Variants in GMDS observed in about 807,000 individuals in gnomAD.
GMDS encodes the protein GDP-mannose 4,6-dehydratase, also known as GDP-mannose 4,6 dehydratase.
Under a neutral mutation model 49.9 loss-of-function variants are expected in GMDS, and 20 were observed. The observed-to-expected ratio is 0.40, with a 90% CI of 0.28 to 0.58. The LOEUF (loss-of-function observed/expected upper bound fraction) is 0.58, where lower values mean the gene tolerates loss of function less well. Among genes scored for constraint, GMDS ranks in the 20% least tolerant of loss-of-function variants. GMDS has a pLI of 0.42. For synonymous variants in GMDS, 177 were observed against 178.6 expected (o/e 0.99, Z 0.07); for missense variants, 362 against 481.4 (o/e 0.75, Z 2.32).
At chr6:1,899,703 C>A (rs1760400654) in intron 7 of GMDS, among the ~76,000 whole-genome samples, 1 of 152,214 alleles carries the variant, frequency 6.6e-6, no homozygotes, top group Non-Finnish European at 1.5e-5. Flanking sequence ...GTAAACATGA[C>A]CTAATCTTTA....
At chr6:2,045,767 G>A (rs1769971676) in intron 4 of GMDS, among the ~76,000 whole-genome samples, 1 of 141,570 alleles carries the variant, frequency 7.1e-6, no homozygotes, top group Non-Finnish European at 1.6e-5. Flanking sequence ...GCTAGCCCCA[G>A]TCAAAAAAAA....
chr6:1,819,097 G>A (rs1770785513), intron 7 of GMDS, among the ~76,000 whole-genome samples: 1 of 151,860 alleles, frequency 6.6e-6, no homozygotes, highest in Admixed American at 6.6e-5. Context: ...CTGACAGACT[G>A]CAATCTAGAA....
chr6:1,760,770 T>A (rs80161193), intron 7 of GMDS, among the ~76,000 whole-genome samples: 3,564 of 152,360 alleles, frequency 0.023, 80 homozygotes, highest in Non-Finnish European at 0.032. Context: ...ATGCTGAATA[T>A]AATTAGATTT....
intron 1 of GMDS, among the ~76,000 whole-genome samples, chr6:2,182,375 G>C (rs916484419): frequency 4.6e-5 from 7 of 152,198 alleles, no homozygotes; most frequent in Non-Finnish European, 8.8e-5. Context: ...ATTAGTGAGG[G>C]TGGTTACACT....
chr6:2,084,463 A>C (rs1412838892), intron 4 of GMDS, among the ~76,000 whole-genome samples: 2 of 152,094 alleles, frequency 1.3e-5, no homozygotes, highest in East Asian at 1.9e-4. Flanking sequence ...ATTACCCTTC[A>C]TTTCACAGCA....
At chr6:1,652,697 AT>A (rs1166985277) in intron 9 of GMDS, among the ~76,000 whole-genome samples, 5 of 4,896 alleles carry the variant, frequency 1.0e-3, no homozygotes, top group African/African-American at 1.7e-3. Flanking sequence ...TATATAATAT[AT>A]TATATATATA....
intron 4 of GMDS, among the ~76,000 whole-genome samples, chr6:1,977,453 T>C (rs1764971584): frequency 1.3e-5 from 2 of 152,152 alleles, no homozygotes; most frequent in African/African-American, 4.8e-5. Context: ...CAATGTTCAA[T>C]TCAAAATAGC....
intron 4 of GMDS, among the ~76,000 whole-genome samples, chr6:1,976,574 G>C (rs1259896543): frequency 6.6e-6 from 1 of 152,082 alleles, no homozygotes; most frequent in Non-Finnish European, 1.5e-5. Context: ...GCTTCTAATG[G>C]AGAATAATTT....
intron 1 of GMDS, among the ~76,000 whole-genome samples, chr6:2,166,561 T>C (rs958201383): frequency 6.6e-6 from 1 of 152,228 alleles, no homozygotes; most frequent in Non-Finnish European, 1.5e-5. Context: ...ACCTTATTCA[T>C]ACTACTCCTC....
chr6:1,640,715 G>A lies in GMDS; in HGVS notation c.988-16175C>T, dbSNP rs780339369. Among the ~76,000 whole-genome samples, 10 of 152,192 alleles carry A rather than the reference G, an allele frequency of 6.6e-5. No homozygotes were observed. The highest frequency in any genetic ancestry group is 3.9e-4 in the Admixed American group (6 of 15,280). ...CGACACAGCAGCCAACCAGACACAC[G>A]GGGAGCTCATGTTCTACTGTGGGGG... On this transcript the variant is annotated intron_variant, in intron 9 of 10. Coordinates refer to ENST00000380815, the MANE Select transcript of GMDS (RefSeq NM_001500.4). The surrounding 1 kb of genome is among the most constrained non-coding windows in gnomAD (Gnocchi z 4.0).
At chr6:1,688,077 G>A (rs73398793) in intron 9 of GMDS, among the ~76,000 whole-genome samples, 97 of 152,288 alleles carry the variant, frequency 6.4e-4, no homozygotes, top group African/African-American at 2.1e-3. Flanking sequence ...AGAGGATGGC[G>A]GCTTTGTTTA....
intron 4 of GMDS, among the ~76,000 whole-genome samples, chr6:1,992,917 C>T (rs894001283): frequency 1.3e-5 from 2 of 152,206 alleles, no homozygotes; most frequent in African/African-American, 4.8e-5. Flanking sequence ...TCTGTCCCAA[C>T]CAACACATCC....
chr6:2,202,585 A>G (rs1779600702), intron 1 of GMDS, among the ~76,000 whole-genome samples: 1 of 152,088 alleles, frequency 6.6e-6, no homozygotes, highest in Admixed American at 6.5e-5. Flanking sequence ...GAATGGAGTT[A>G]ATTGATGGAA....
intron 1 of GMDS, among the ~76,000 whole-genome samples, chr6:2,132,114 T>C (rs1775771366): frequency 6.6e-6 from 1 of 152,160 alleles, no homozygotes; most frequent in Non-Finnish European, 1.5e-5. Context: ...CTGAGGTGAA[T>C]TGAGAGGTAA....
At chr6:2,117,741 T>C (rs77538088) in intron 2 of GMDS, among the ~76,000 whole-genome samples, 185 bp from the exon 3 acceptor site, 1,874 of 152,310 alleles carry the variant, frequency 0.012, 43 homozygotes, top group African/African-American at 0.043. Context: ...CCTCTGTCTT[T>C]CCCCAGCGAT....
chr6:2,002,586 C>A (rs562859825), intron 4 of GMDS, among the ~76,000 whole-genome samples: 2 of 152,128 alleles, frequency 1.3e-5, no homozygotes, highest in Non-Finnish European at 2.9e-5. Flanking sequence ...TGAAATCCTA[C>A]CCTGTGCTAA....
At chr6:1,991,471 G>C (rs1010748062) in intron 4 of GMDS, among the ~76,000 whole-genome samples, 13 of 152,236 alleles carry the variant, frequency 8.5e-5, no homozygotes, top group African/African-American at 3.1e-4. Context: ...AGTAACCGCT[G>C]GTCTCCTGTG....
At chr6:1,854,753 ATTGTC>A (rs1161806315) in intron 7 of GMDS, among the ~76,000 whole-genome samples, 3 of 152,136 alleles carry the variant, frequency 2.0e-5, no homozygotes, top group Non-Finnish European at 2.9e-5. Context: ...ATGTCTTGAG[ATTGTC>A]TTGTCTTCTT....
intron 9 of GMDS, among the ~76,000 whole-genome samples, chr6:1,649,461 C>T (rs1269481673): frequency 6.6e-6 from 1 of 152,182 alleles, no homozygotes; most frequent in Non-Finnish European, 1.5e-5. Context: ...GTACACTGTG[C>T]ATCCAGCCTA....
Sources: allele counts gnomAD v4.1 joint callset (sites outside exome capture counted in the v4.1 genomes callset), GRCh38; gene constraint gnomAD v4.1.1; non-coding constraint Gnocchi (gnomAD v3.1); transcripts MANE v1.5; gene names NCBI Gene and HGNC (gene_info 2026-07-23, HGNC 2026-07-21).